Variants in VCAN observed in about 807,000 individuals in gnomAD.
VCAN encodes versican core protein.
A neutral mutation model predicts 245.5 loss-of-function variants in VCAN; 44 were observed. That is an observed-to-expected ratio of 0.18 (90% CI 0.14 to 0.23). The LOEUF (loss-of-function observed/expected upper bound fraction) is 0.23. Among genes scored for constraint, VCAN ranks in the 10% least tolerant of loss-of-function variants. The probability of loss-of-function intolerance (pLI) is 1.00; values close to 1 mark genes in which losing one functional copy is unlikely to be tolerated. For missense variants in VCAN, 3,793 were observed against 4,057.9 expected, an observed-to-expected ratio of 0.93 and a Z score of 1.77; for synonymous variants, 1,413 against 1,437.0, an observed-to-expected ratio of 0.98 and a Z score of 0.38.
At chr5:83,559,022 T>C (rs1237802167) in intron 12 of VCAN, among the ~76,000 whole-genome samples, 2 of 152,152 alleles carry the variant, frequency 1.3e-5, no homozygotes, top group African/African-American at 4.8e-5. Context: ...AACTTGACTA[T>C]TGTTAACTTG....
Position 83,520,309 on chromosome 5 carries a change from T to A in VCAN, c.2003T>A (p.Ile668Asn), listed in dbSNP as rs202018506. The A allele has an allele frequency of 6.2e-7, 1 of 1,613,858 alleles. No individual in the cohort carries two copies. Among genetic ancestry groups the A allele is most frequent in the East Asian group, 2.2e-5 (1 of 44,850 alleles). Residue 668 changes from isoleucine (I) to asparagine (N), a missense_variant, in exon 7 of 15, where the codon ATT (isoleucine) becomes AAT (asparagine). This residue lies in a region of VCAN where 3,182 missense variants were observed against 3,250.3 expected (regional missense o/e 0.98). Transcript: ENST00000265077. Reference sequence around the variant, plus strand: ...GGTGATAAAATATTAGTAGAGGGAATTTCCACAGTTATTTATCCTTCTCTA... The same window carrying A: ...GGTGATAAAATATTAGTAGAGGGAAATTCCACAGTTATTTATCCTTCTCTA... ...YSGDKILVEG[I>N]STVIYPSLQT...
intron 3 of VCAN, among the ~76,000 whole-genome samples, chr5:83,492,649 A>G (rs1745019613): frequency 6.6e-6 from 1 of 152,210 alleles, no homozygotes; most frequent in Non-Finnish European, 1.5e-5. Context: ...ACTAGTTTAT[A>G]CCACCCCTAA....
intron 7 of VCAN, chr5:83,536,706 A>G (rs1305106650): frequency 4.8e-6 from 1 of 206,640 alleles, no homozygotes; most frequent in African/African-American, 2.3e-5. Context: ...CTGCACTTCA[A>G]GATTACATTG....
intron 3 of VCAN, 144 bp from the exon 4 acceptor site, chr5:83,493,402 T>A: frequency 7.1e-6 from 8 of 1,126,718 alleles, no homozygotes; most frequent in Non-Finnish European, 1.0e-5. Context: ...TTTTGCATAA[T>A]GCTGCATGAA....
rs1170321761 is a variant in VCAN at position 83,537,621 on chromosome 5, G to C, written c.4618G>C (p.Val1540Leu). 6.2e-7 allele frequency: 1 copy of C among 1,613,810 alleles called. No individual in the cohort carries two copies. Among genetic ancestry groups the C allele is most frequent in the South Asian group, 1.1e-5 (1 of 91,086 alleles). Reference sequence around the variant, plus strand: ...TCAGGCACATGAACATACTGAACCTGTATCTCTGTTTCCTGAAGAGTCTTC... The same window carrying C: ...TCAGGCACATGAACATACTGAACCTCTATCTCTGTTTCCTGAAGAGTCTTC... ...GHQAHEHTEP[V>L]SLFPEESSGE... The change falls in exon 8 of 15, where the codon GTA becomes CTA. Residue 1540 changes from valine (V) to leucine (L), a missense_variant. Transcript: ENST00000265077.
At chr5:83,555,205 C>T (rs1315898911) in intron 12 of VCAN, among the ~76,000 whole-genome samples, 167 bp downstream of exon 12, 1 of 152,160 alleles carries the variant, frequency 6.6e-6, no homozygotes, top group Non-Finnish European at 1.5e-5. Flanking sequence ...GCTACCTGAT[C>T]CAACATCCAG....
chr5:83,565,755 C>T (rs901142822), intron 12 of VCAN, among the ~76,000 whole-genome samples: 3 of 152,044 alleles, frequency 2.0e-5, no homozygotes, highest in East Asian at 1.9e-4. Flanking sequence ...GTCTTTTGCT[C>T]ATAGATGAAT....
chr5:83,523,702 A>G (rs1746186602), intron 7 of VCAN, among the ~76,000 whole-genome samples: 1 of 152,114 alleles, frequency 6.6e-6, no homozygotes, highest in Admixed American at 6.6e-5. Flanking sequence ...CCACTTCCCA[A>G]TGCAGTTTAA....
At chr5:83,570,077 A>G (rs1307346461) in intron 12 of VCAN, among the ~76,000 whole-genome samples, 1 of 152,120 alleles carries the variant, frequency 6.6e-6, no homozygotes, top group East Asian at 1.9e-4. Context: ...TGCAGAGCCA[A>G]TGTGAGTTCC....
chr5:83,511,334 C>A (rs2112389531), intron 5 of VCAN, among the ~76,000 whole-genome samples: 1 of 152,052 alleles, frequency 6.6e-6, no homozygotes, highest in East Asian at 2.0e-4. Flanking sequence ...GCAAAAAGTG[C>A]TCCCTCTGCA....
At position 83,552,195 on chromosome 5, in the gene VCAN, G is replaced by A. The variant is rs368024843; in HGVS notation, c.9494-1169G>A. Among the ~76,000 whole-genome samples, 64 of 152,256 alleles carry A rather than the reference G, an allele frequency of 4.2e-4. 2 individuals are homozygous for A. The East Asian group carries it at 9.5e-3, about 22-fold the overall frequency. On this transcript the variant is annotated intron_variant, in intron 10 of 14. Coordinates refer to ENST00000265077, the MANE Select transcript of VCAN (RefSeq NM_004385.5). ...ACAGTTATAGAAAGAGGAGTAACAG[G>A]AATAAGAGTCAAGAGACAATCTGAG...
chr5:83,522,316 C>A lies in VCAN; in HGVS notation c.4003+7C>A. The A allele has an allele frequency of 1.3e-6, 2 of 1,598,038 alleles. No individual in the cohort carries two copies. Among genetic ancestry groups the A allele is most frequent in the Admixed American group, 1.7e-5 (1 of 59,964 alleles). On this transcript the variant is annotated splice_region_variant and intron_variant, in intron 7 of 14. Coordinates refer to ENST00000265077, the MANE Select transcript of VCAN (RefSeq NM_004385.5). Reference sequence around the variant, plus strand: ...GTCAGAGAAAATAAGACAGGTAAGTCTTTGCTTTCTAGACTAGCATTGAAG... The same window carrying A: ...GTCAGAGAAAATAAGACAGGTAAGTATTTGCTTTCTAGACTAGCATTGAAG...
At chr5:83,567,802 C>T (rs529075398) in intron 12 of VCAN, among the ~76,000 whole-genome samples, 4 of 152,248 alleles carry the variant, frequency 2.6e-5, no homozygotes, top group African/African-American at 9.6e-5. Flanking sequence ...TTATTTTTCC[C>T]TAAGGGGTTA....
intron 7 of VCAN, among the ~76,000 whole-genome samples, chr5:83,528,492 G>A (rs773654951): frequency 6.0e-4 from 91 of 152,070 alleles, no homozygotes; most frequent in East Asian, 3.9e-4. Flanking sequence ...ACCTTCTTAG[G>A]CCTCACGCAG....
At chr5:83,559,498 C>T (rs949057824) in intron 12 of VCAN, among the ~76,000 whole-genome samples, 2 of 152,142 alleles carry the variant, frequency 1.3e-5, no homozygotes, top group African/African-American at 4.8e-5. Context: ...TGGGTTCTCA[C>T]TCCTGGGCGG....
At chr5:83,536,408 G>A (rs534674570) in intron 7 of VCAN, 1 of 152,222 alleles carries the variant, frequency 6.6e-6, no homozygotes, top group African/African-American at 2.4e-5. Flanking sequence ...AATGTAAAAG[G>A]GCTATAAATA....
At chr5:83,527,075 A>G (rs1027732518) in intron 7 of VCAN, among the ~76,000 whole-genome samples, 4 of 152,180 alleles carry the variant, frequency 2.6e-5, no homozygotes, top group African/African-American at 9.7e-5. Flanking sequence ...CCCCCTGCCC[A>G]ATGGCTTAGG....
intron 5 of VCAN, among the ~76,000 whole-genome samples, chr5:83,501,470 C>T (rs1745327524): frequency 1.3e-5 from 2 of 152,088 alleles, no homozygotes; most frequent in African/African-American, 4.8e-5. Context: ...TTGGAGTTAG[C>T]TTTTGTATAT....
chr5:83,484,509 T>TTCCA (rs200174622), intron 2 of VCAN, among the ~76,000 whole-genome samples: 12,471 of 149,172 alleles, frequency 0.084, 624 homozygotes, highest in African/African-American at 0.14. Context: ...CCATCCATCC[T>TTCCA]TCCATCCATC....
Sources: gnomAD v4.1 joint callset for allele counts (sites outside exome capture counted in the v4.1 genomes callset) on GRCh38, gnomAD v4.1.1 for gene constraint, gnomAD v4.1.1 regional missense constraint, MANE v1.5 for transcripts, NCBI Gene and HGNC (gene_info 2026-07-23, HGNC 2026-07-21) for gene names.